Variants in LARGE1 observed in about 807,000 individuals in gnomAD.
LARGE1 encodes the protein LARGE xylosyl- and glucuronyltransferase 1, also known as xylosyl- and glucuronyltransferase LARGE1.
Under a neutral mutation model 87.6 loss-of-function variants are expected in LARGE1, and 43 were observed. The ratio of observed to expected loss-of-function variants is 0.49; its 90% CI spans 0.38 to 0.63. The LOEUF (loss-of-function observed/expected upper bound fraction) is 0.63, where lower values mean the gene tolerates loss of function less well. Ranked by LOEUF, LARGE1 falls within the 30% of genes least tolerant of loss-of-function variation. LARGE1 has a pLI of 0.00. For missense variants in LARGE1, 802 were observed against 1,000.2 expected, an observed-to-expected ratio of 0.80 and a Z score of 2.67; for synonymous variants, 434 against 394.6, an observed-to-expected ratio of 1.10 and a Z score of -1.18.
intron 6 of LARGE1, among the ~76,000 whole-genome samples, chr22:33,469,931 C>G (rs1453938597): frequency 1.4e-5 from 2 of 144,610 alleles, no homozygotes; most frequent in East Asian, 4.1e-4. Flanking sequence ...GCTCTGTCAC[C>G]CAGGCTGGAG....
chr22:33,530,055 T>C (rs762330995), intron 6 of LARGE1, among the ~76,000 whole-genome samples: 6 of 152,226 alleles, frequency 3.9e-5, no homozygotes, highest in Non-Finnish European at 7.3e-5. Context: ...GTTCAGCTTA[T>C]AACTAATTTC....
At chr22:33,737,516 G>A (rs557237921) in intron 2 of LARGE1, 1 of 152,230 alleles carries the variant, frequency 6.6e-6, no homozygotes, top group East Asian at 1.9e-4. Flanking sequence ...CATTACTTAA[G>A]TCCATAACAG....
rs531136937 is a variant in LARGE1, at chr22:33,192,399, T to C, written c.1731-25567A>G. ...AGGTGGCATCTCACTGTGGCTTTGA[T>C]TTGCATTTCCCAGATGATTAGTGAT... On this transcript the variant is annotated intron_variant, in intron 11 of 11. Coordinates refer to the LARGE1 transcript ENST00000608642. Among the ~76,000 whole-genome samples the C allele has an allele frequency of 1.9e-3, 286 of 152,300 alleles. 3 individuals are homozygous for C. The highest frequency in any genetic ancestry group is 6.4e-3 in the African/African-American group (268 of 41,574).
rs3072359 is a variant in LARGE1, at chr22:33,865,832, C to CTTT, written c.-83+54160_-83+54162dup. On this transcript the variant is annotated intron_variant, in intron 1 of 14. Transcript: ENST00000397394. ...TAAGCATTCAATGTTAGCTGTTATT[C>CTTT]TTTTTTTTTTTTTTTTTTTTTTTTT... 2.4e-3 allele frequency among the ~76,000 whole-genome samples: 67 copies of CTTT among 28,396 alleles called. 27 individuals carry two copies. Among genetic ancestry groups the CTTT allele is most frequent in the African/African-American group, 4.9e-3 (46 of 9,350 alleles). The allele number at this position is 28,396 out of a possible 152,430, so 18.6% of individuals were successfully genotyped here. A position where few individuals can be genotyped will look rare whatever the true frequency, so the allele number is the denominator to read the frequency against.
At chr22:33,839,799 G>T (rs2063220597) in intron 1 of LARGE1, among the ~76,000 whole-genome samples, 1 of 152,206 alleles carries the variant, frequency 6.6e-6, no homozygotes, top group Admixed American at 6.5e-5. Context: ...CTACCTACCA[G>T]GTATGAGGCA....
chr22:33,902,078 C>A (rs2065298042), intron 1 of LARGE1, among the ~76,000 whole-genome samples: 1 of 152,212 alleles, frequency 6.6e-6, no homozygotes, highest in South Asian at 2.1e-4. Context: ...AGGTTTGTCA[C>A]AGGCAGAACC....
intron 12 of LARGE1, among the ~76,000 whole-genome samples, chr22:33,302,999 T>C (rs746538924): frequency 2.0e-5 from 3 of 152,208 alleles, no homozygotes; most frequent in African/African-American, 4.8e-5. Context: ...GCATAATTCA[T>C]GCTGACCAAT....
chr22:33,250,504 CTTCT>C (rs1203832237), intron 11 of LARGE1, among the ~76,000 whole-genome samples: 3 of 152,136 alleles, frequency 2.0e-5, no homozygotes, highest in Admixed American at 6.5e-5. Context: ...TATGTGTACT[CTTCT>C]TTCCTTTTCT....
At chr22:33,147,165 G>A in the LARGE1 span, among the ~76,000 whole-genome samples, 1 of 152,122 alleles carries the variant, frequency 6.6e-6, no homozygotes, top group Non-Finnish European at 1.5e-5. Context: ...ATGGACATTT[G>A]AATGGCTTCC....
intron 4 of LARGE1, among the ~76,000 whole-genome samples, chr22:33,617,691 T>A (rs911185632): frequency 7.2e-5 from 11 of 152,192 alleles, no homozygotes; most frequent in African/African-American, 2.7e-4. Context: ...CCTGGGTTAC[T>A]GCAACCCACA....
At chr22:33,342,720 C>T (rs1250104644) in intron 9 of LARGE1, among the ~76,000 whole-genome samples, 1 of 152,158 alleles carries the variant, frequency 6.6e-6, no homozygotes, top group African/African-American at 2.4e-5. Context: ...CATCAAGCCT[C>T]ATCCCGCTCT....
intron 12 of LARGE1, among the ~76,000 whole-genome samples, chr22:33,297,681 A>G (rs1429762220): frequency 6.6e-6 from 1 of 150,872 alleles, no homozygotes; most frequent in Non-Finnish European, 1.5e-5. Flanking sequence ...GAGATACTTT[A>G]CACTTTGGGC....
intron 2 of LARGE1, among the ~76,000 whole-genome samples, chr22:33,710,104 C>G (rs182206433): frequency 1.7e-4 from 25 of 150,742 alleles, no homozygotes; most frequent in Admixed American, 4.0e-4. Context: ...AGTAGCTATA[C>G]GAGCAAAGAA....
intron 11 of LARGE1, among the ~76,000 whole-genome samples, chr22:33,310,626 A>G (rs565364240): frequency 6.6e-6 from 1 of 152,282 alleles, no homozygotes; most frequent in African/African-American, 2.4e-5. Flanking sequence ...GTTTACAAAT[A>G]TATCTGAAAG....
At chr22:33,900,309 C>A (rs2065249859) in intron 1 of LARGE1, among the ~76,000 whole-genome samples, 1 of 152,196 alleles carries the variant, frequency 6.6e-6, no homozygotes, top group African/African-American at 2.4e-5. Context: ...CCGGCTCACT[C>A]TACGTTTCCA....
chr22:33,733,770 T>G (rs974522394), intron 2 of LARGE1: 1 of 152,170 alleles, frequency 6.6e-6, no homozygotes, highest in Non-Finnish European at 1.5e-5. Flanking sequence ...GCAGTGAATA[T>G]AATGTAAATT....
intron 9 of LARGE1, among the ~76,000 whole-genome samples, chr22:33,341,104 G>A (rs1051921004): frequency 7.2e-5 from 11 of 152,246 alleles, no homozygotes; most frequent in Non-Finnish European, 1.0e-4. Context: ...CCAAGGTGAT[G>A]ACATTAGGAG....
At chr22:33,698,895 T>C (rs2082330073) in intron 2 of LARGE1, among the ~76,000 whole-genome samples, 1 of 152,256 alleles carries the variant, frequency 6.6e-6, no homozygotes, top group Admixed American at 6.5e-5. Flanking sequence ...TGACTTACTT[T>C]CTTCCCCGTA....
chr22:33,154,365 C>A, the LARGE1 span, among the ~76,000 whole-genome samples: 1 of 152,056 alleles, frequency 6.6e-6, no homozygotes, highest in African/African-American at 2.4e-5. Flanking sequence ...CTCAGCCTCC[C>A]AAGTACCTGA....
Sources: gnomAD v4.1 joint callset for allele counts (sites outside exome capture counted in the v4.1 genomes callset) on GRCh38, gnomAD v4.1.1 for gene constraint, MANE v1.5 for transcripts, NCBI Gene and HGNC (gene_info 2026-07-23, HGNC 2026-07-21) for gene names.